ACSL5: variants seen among roughly 807,000 people sequenced by gnomAD.
The protein encoded by ACSL5 is long-chain-fatty-acid--CoA ligase 5.
In ACSL5, 50 loss-of-function variants were observed where a neutral mutation model predicts 84.9. That is an observed-to-expected ratio of 0.59 (90% CI 0.47 to 0.75). The LOEUF (loss-of-function observed/expected upper bound fraction) is 0.75. ACSL5 is among the 30% of genes least tolerant of loss of function. The probability of loss-of-function intolerance (pLI) is 0.00; values close to 1 mark genes in which losing one functional copy is unlikely to be tolerated. For missense variants in ACSL5, 775 were observed against 830.4 expected, an observed-to-expected ratio of 0.93 and a Z score of 0.82; for synonymous variants, 280 against 300.7, an observed-to-expected ratio of 0.93 and a Z score of 0.71.
chr10:112,412,023 G>C, intron 11 of ACSL5, 44 bp downstream of exon 11: 1 of 1,527,088 alleles, frequency 6.5e-7, no homozygotes, highest in South Asian at 1.1e-5. Flanking sequence ...AGGGGGTCCT[G>C]ACTTGCTATC....
At chr10:112,410,692 A>G in intron 9 of ACSL5, 57 bp downstream of exon 9, 1 of 1,552,320 alleles carries the variant, frequency 6.4e-7, no homozygotes, top group African/African-American at 1.4e-5. Flanking sequence ...CATGGCTTCA[A>G]TTCTTGGCCA....
chr10:112,428,224 G>A lies in ACSL5; in HGVS notation c.*866G>A. 1 of 377,456 alleles carries A rather than the reference G, an allele frequency of 2.6e-6. No individual in the cohort carries two copies. The allele number at this position is 377,456 out of a possible 1,614,324, so 23.4% of individuals were successfully genotyped here. ...ACTGGGAACAAAGATCTACAGGCAA[G>A]CAAGATGCCCACACAACAGGCTTAT... On this transcript the variant is annotated 3_prime_UTR_variant, in exon 21 of 21. Transcript: ENST00000354655.
At chr10:112,413,083 C>A in intron 11 of ACSL5, 90 bp from the exon 12 acceptor site, 1 of 1,445,978 alleles carries the variant, frequency 6.9e-7, no homozygotes, top group Non-Finnish European at 9.5e-7. Flanking sequence ...GGGTTGTTTG[C>A]CTCAGCCCAC....
intron 10 of ACSL5, 84 bp downstream of exon 10, chr10:112,411,613 C>A: frequency 9.8e-7 from 1 of 1,022,554 alleles, no homozygotes; most frequent in Non-Finnish European, 1.5e-6. Flanking sequence ...AGCAGGCAGA[C>A]ACACACACAC....
chr10:112,383,114 T>TAAAAACA (rs148229030), intron 1 of ACSL5, among the ~76,000 whole-genome samples: 1 of 152,028 alleles, frequency 6.6e-6, no homozygotes, highest in African/African-American at 2.4e-5. Flanking sequence ...ACAAAAAACT[T>TAAAAACA]AAAAACAAAA....
intron 18 of ACSL5, 52 bp from the exon 19 acceptor site, chr10:112,426,206 A>T (rs1253198931): frequency 1.8e-5 from 26 of 1,409,360 alleles, no homozygotes; most frequent in Non-Finnish European, 2.6e-5. Flanking sequence ...ACTGGGGGAC[A>T]TCCCTACATA....
intron 1 of ACSL5, among the ~76,000 whole-genome samples, chr10:112,392,568 C>A (rs1276429770): frequency 6.6e-6 from 1 of 151,960 alleles, no homozygotes; most frequent in Non-Finnish European, 1.5e-5. Context: ...AGTGAAACCC[C>A]GTCTCTACTA....
intron 12 of ACSL5, among the ~76,000 whole-genome samples, chr10:112,415,656 G>C (rs756148362): frequency 6.6e-6 from 1 of 152,200 alleles, no homozygotes; most frequent in Non-Finnish European, 1.5e-5. Context: ...GGCATAAGAA[G>C]ATGCTTATGT....
chr10:112,386,948 A>T (rs1188028454), intron 1 of ACSL5, among the ~76,000 whole-genome samples: 1 of 152,200 alleles, frequency 6.6e-6, no homozygotes, highest in African/African-American at 2.4e-5. Context: ...GAAACATACT[A>T]GTTACCTCTT....
rs937301765 is a variant in ACSL5, at chr10:112,376,190, A to G, written c.-30+1921A>G. On this transcript the variant is annotated intron_variant, in intron 1 of 20. Transcript: ENST00000354655. ...AACACTTCCACTTTCAGTTGTGAAA[A>G]AAAAAATTAAAACCAGGAAGTGAAG... The G allele has an allele frequency of 1.4e-5, 20 of 1,406,566 alleles. No homozygotes were observed. The African/African-American group carries it at 2.9e-4, about 20-fold the overall frequency. The allele number at this position is 1,406,566 out of a possible 1,614,324, so 87.1% of individuals were successfully genotyped here. A position where few individuals can be genotyped will look rare whatever the true frequency, so the allele number is the denominator to read the frequency against.
chr10:112,376,819 C>A (rs746398467), intron 1 of ACSL5, among the ~76,000 whole-genome samples: 8 of 151,930 alleles, frequency 5.3e-5, no homozygotes, highest in Non-Finnish European at 1.2e-4. Context: ...ATGAATGAGA[C>A]CAATGGGGTG....
chr10:112,411,520 A>G lies in ACSL5; in HGVS notation c.861A>G (p.Lys287=). Residue 287 remains lysine (K), a synonymous_variant, in exon 10 of 21, where the codon AAA becomes AAG. Transcript: ENST00000354655. The part of the protein sequence containing the change: ...NIVSNAAAFL[K]CVEHAYEPTP... ...TTTCAAATGCTGCTGCCTTTCTCAA[A>G]TGTGTGGAGGTCAGTGGTCAGTTGA... is the stretch of plus-strand genomic sequence containing the variant. The G allele has an allele frequency of 6.2e-7, 1 of 1,613,382 alleles. No individual in the cohort carries two copies. The highest frequency in any genetic ancestry group is 8.5e-7 in the Non-Finnish European group (1 of 1,179,314).
chr10:112,426,358 A>C lies in ACSL5; in HGVS notation c.1838A>C (p.Gln613Pro). ...KGSFEELCQNQVVREAILEDL... is the reference protein window; with the variant it reads ...KGSFEELCQNPVVREAILEDL... ...TCCTTTGAGGAACTGTGCCAAAACC[A>C]AGTAAGTCTTGCCTAGGAAAGCTTT... The change falls in exon 19 of 21, where the codon CAA becomes CCA. Residue 613 changes from glutamine (Q) to proline (P), a missense_variant and splice_region_variant. Physicochemically the swap from Gln to Pro is moderately conservative, Grantham distance 76. Transcript: ENST00000354655. The C allele has an allele frequency of 3.7e-6, 6 of 1,613,776 alleles. No homozygotes were observed. Among genetic ancestry groups the C allele is most frequent in the Non-Finnish European group, 5.1e-6 (6 of 1,179,728 alleles).
In ACSL5 at chr10:112,416,462, C is replaced by T. The variant is rs191247563; in HGVS notation, c.1084-426C>T. 7.6e-3 allele frequency among the ~76,000 whole-genome samples: 890 copies of T among 116,476 alleles called. 13 individuals carry two copies. The highest frequency in any genetic ancestry group is 0.03 in the African/African-American group (845 of 28,150). The allele number at this position is 116,476 out of a possible 152,430, so 76.4% of individuals were successfully genotyped here. A position where few individuals can be genotyped will look rare whatever the true frequency, so the allele number is the denominator to read the frequency against. On this transcript the variant is annotated intron_variant, in intron 12 of 20. Transcript: ENST00000354655. ...CTCCAGCCTGGGCGACAGAGCGAGACTCTGTCTCAAAAAAAAAAAAAAAAA... is the reference window on the plus strand; with the variant it reads ...CTCCAGCCTGGGCGACAGAGCGAGATTCTGTCTCAAAAAAAAAAAAAAAAA...
intron 5 of ACSL5, among the ~76,000 whole-genome samples, chr10:112,405,162 C>A (rs926026522): frequency 6.6e-6 from 1 of 152,104 alleles, no homozygotes; most frequent in South Asian, 2.1e-4. Flanking sequence ...CTGAAACTTG[C>A]AATTTGTAAT....
intron 1 of ACSL5, among the ~76,000 whole-genome samples, chr10:112,393,390 A>G (rs1843681151): frequency 6.6e-6 from 1 of 152,212 alleles, no homozygotes; most frequent in Non-Finnish European, 1.5e-5. Context: ...ATCAGGTAAT[A>G]ACTAATCGAG....
At chr10:112,393,296 G>A (rs1024444216) in intron 1 of ACSL5, among the ~76,000 whole-genome samples, 2 of 152,056 alleles carry the variant, frequency 1.3e-5, no homozygotes, top group African/African-American at 4.8e-5. Context: ...AATGCAATAT[G>A]GAAAGAACCA....
chr10:112,413,383 C>T (rs1041577826), intron 12 of ACSL5, 76 bp downstream of exon 12: 14 of 1,525,620 alleles, frequency 9.2e-6, no homozygotes, highest in Non-Finnish European at 1.1e-5. Context: ...ATGAGATTTA[C>T]TCCACCTCTA....
chr10:112,427,368 C>G lies in ACSL5; in HGVS notation c.*10C>G. The G allele has an allele frequency of 6.2e-7, 1 of 1,605,506 alleles. No homozygotes were observed. Among genetic ancestry groups the G allele is most frequent in the Non-Finnish European group, 8.5e-7 (1 of 1,176,278 alleles). On this transcript the variant is annotated 3_prime_UTR_variant, in exon 21 of 21. Coordinates refer to ENST00000354655, the MANE Select transcript of ACSL5 (RefSeq NM_203379.2). ...GCACATCCAGGATTAGGATAAGGTA[C>G]TTAAGTACCTGCCGGCCCACTGTGC...
Sources: allele counts gnomAD v4.1 joint callset (sites outside exome capture counted in the v4.1 genomes callset), GRCh38; gene constraint gnomAD v4.1.1; transcripts MANE v1.5; gene names NCBI Gene and HGNC (gene_info 2026-07-23, HGNC 2026-07-21).